The following EHBP1 variants were observed in gnomAD, a reference collection of about 807,000 sequenced individuals.
EHBP1 encodes the protein EH domain binding protein 1, also known as EH domain-binding protein 1.
In EHBP1, 55 loss-of-function variants were observed where a neutral mutation model predicts 144.0. The observed-to-expected ratio is 0.38, with a 90% CI of 0.31 to 0.48. EHBP1 has a LOEUF of 0.48. Ranked by LOEUF, EHBP1 falls within the 20% of genes least tolerant of loss-of-function variation. The pLI is 0.98. For missense variants in EHBP1, 1,200 were observed against 1,364.2 expected (o/e 0.88, Z 1.90); for synonymous variants, 469 against 472.7 (o/e 0.99, Z 0.10).
intron 14 of EHBP1, among the ~76,000 whole-genome samples, chr2:62,960,379 A>G (rs1270769670): frequency 6.6e-6 from 1 of 152,114 alleles, no homozygotes; most frequent in African/African-American, 2.4e-5. Context: ...GCCTTGAAAT[A>G]CCCATCTTCC....
chr2:63,014,457 A>C (rs757481592), intron 19 of EHBP1, among the ~76,000 whole-genome samples: 33 of 152,240 alleles, frequency 2.2e-4, no homozygotes, highest in Non-Finnish European at 4.6e-4. Flanking sequence ...ATAACAACAT[A>C]AATTTAAGAT....
intron 10 of EHBP1, among the ~76,000 whole-genome samples, chr2:62,905,756 A>G (rs1488824662): frequency 6.6e-6 from 1 of 152,048 alleles, no homozygotes; most frequent in East Asian, 1.9e-4. Context: ...CCAGGGAGGC[A>G]GAGGTTGAAG....
chr2:62,870,715 C>CA lies in EHBP1; in HGVS notation c.999-3611dup, dbSNP rs57276181. On this transcript the variant is annotated intron_variant, in intron 9 of 22. Transcript: ENST00000431489. ...TGGGCAACAGAGCGAGACTGCATCT[C>CA]AAAAAAAAAAAAAAAAAAAATACAT... Among the ~76,000 whole-genome samples, 582 of 90,192 alleles carry CA rather than the reference C, an allele frequency of 6.5e-3. 7 individuals carry two copies. The highest frequency in any genetic ancestry group is 0.015 in the East Asian group (48 of 3,156). 59.2% of individuals were successfully genotyped at this position (90,192 alleles called of 152,430 possible).
intron 7 of EHBP1, among the ~76,000 whole-genome samples, chr2:62,835,036 T>C (rs2047102832): frequency 6.6e-6 from 1 of 152,240 alleles, no homozygotes; most frequent in Admixed American, 6.5e-5. Context: ...AGCCTCATTA[T>C]AATTTGTATC....
At chr2:62,874,689 G>T (rs2050743879) in intron 10 of EHBP1, among the ~76,000 whole-genome samples, 157 bp downstream of exon 10, 1 of 152,150 alleles carries the variant, frequency 6.6e-6, no homozygotes, top group Non-Finnish European at 1.5e-5. Context: ...ATTTATGTTT[G>T]TGAGCCCATA....
In EHBP1 at chr2:62,734,209, G is replaced by T. The variant is rs569527091; in HGVS notation, c.105-13186G>T. On this transcript the variant is annotated intron_variant, in intron 2 of 22. Coordinates refer to ENST00000431489, the MANE Select transcript of EHBP1 (RefSeq NM_001142616.3). ...TGTTTTTCAGTATGCCTTTTTTTTTGAATATAGTTTATCAATATTACATCT... is the reference window on the plus strand; with the variant it reads ...TGTTTTTCAGTATGCCTTTTTTTTTTAATATAGTTTATCAATATTACATCT... Among the ~76,000 whole-genome samples, 173 of 149,762 alleles carry T rather than the reference G, an allele frequency of 1.2e-3. 1 individual carries two copies. Among genetic ancestry groups the T allele is most frequent in the Non-Finnish European group, 1.1e-3 (76 of 67,400 alleles).
At chr2:62,974,169 T>C (rs2058616098) in intron 14 of EHBP1, among the ~76,000 whole-genome samples, 1 of 152,156 alleles carries the variant, frequency 6.6e-6, no homozygotes, top group Non-Finnish European at 1.5e-5. Flanking sequence ...GTTAGACCTC[T>C]CTTCTTTTGC....
chr2:62,961,234 A>T (rs1472549792), intron 14 of EHBP1, among the ~76,000 whole-genome samples: 1 of 152,192 alleles, frequency 6.6e-6, no homozygotes, highest in Non-Finnish European at 1.5e-5. Flanking sequence ...AATTTTTCTA[A>T]ATTTTTGGCA....
At chr2:63,002,580 A>G (rs2059891507) in intron 19 of EHBP1, among the ~76,000 whole-genome samples, 1 of 152,088 alleles carries the variant, frequency 6.6e-6, no homozygotes, top group Admixed American at 6.6e-5. Flanking sequence ...TGGAGGGTTT[A>G]CTTATGGTTG....
chr2:62,979,242 G>C lies in EHBP1; in HGVS notation c.2515G>C (p.Ala839Pro). 6.2e-7 allele frequency: 1 copy of C among 1,613,896 alleles called. No individual in the cohort carries two copies. The highest frequency in any genetic ancestry group is 8.5e-7 in the Non-Finnish European group (1 of 1,179,894). ...GAGAGAGAGAGCTCGTCAGCTAATA[G>C]CAGAAGCTCGATCTGGAGTGAAGAT... is the stretch of plus-strand genomic sequence containing the variant. ...QLRERARQLI[A>P]EARSGVKMSE... Residue 839 changes from alanine to proline, a missense_variant, in exon 15 of 23, where the codon GCA (alanine) becomes CCA (proline). Coordinates refer to ENST00000431489, the MANE Select transcript of EHBP1 (RefSeq NM_001142616.3).
At chr2:62,840,491 G>A (rs1050007124) in intron 7 of EHBP1, among the ~76,000 whole-genome samples, 28 of 148,976 alleles carry the variant, frequency 1.9e-4, no homozygotes, top group Non-Finnish European at 3.6e-4. Flanking sequence ...TGACAAATGG[G>A]ATCTAATTAA....
chr2:62,807,365 C>T (rs983085050), intron 5 of EHBP1, among the ~76,000 whole-genome samples: 7 of 152,028 alleles, frequency 4.6e-5, no homozygotes, highest in African/African-American at 9.7e-5. Context: ...CTGACCAACA[C>T]GGAGAAACCC....
chr2:62,807,086 A>G (rs928701172), intron 5 of EHBP1, among the ~76,000 whole-genome samples: 5 of 152,178 alleles, frequency 3.3e-5, no homozygotes, highest in African/African-American at 1.2e-4. Context: ...TATGAAACCC[A>G]CTGACACTGA....
intron 19 of EHBP1, among the ~76,000 whole-genome samples, chr2:63,007,445 G>A (rs1182346718): frequency 2.0e-5 from 3 of 151,806 alleles, no homozygotes; most frequent in Non-Finnish European, 4.4e-5. Context: ...AAATATATAT[G>A]TAGGTATGTG....
At chr2:62,834,957 T>C (rs2047097637) in intron 7 of EHBP1, among the ~76,000 whole-genome samples, 1 of 152,216 alleles carries the variant, frequency 6.6e-6, no homozygotes, top group Admixed American at 6.5e-5. Flanking sequence ...TCTTTTTTTA[T>C]AGTTTATTTT....
At chr2:62,749,438 G>A (rs1182373659) in intron 3 of EHBP1, among the ~76,000 whole-genome samples, 1 of 152,086 alleles carries the variant, frequency 6.6e-6, no homozygotes, top group African/African-American at 2.4e-5. Flanking sequence ...TAGTGCTGCA[G>A]TAAACATACA....
chr2:62,907,318 A>G (rs2053881649), intron 10 of EHBP1, among the ~76,000 whole-genome samples: 1 of 152,090 alleles, frequency 6.6e-6, no homozygotes, highest in South Asian at 2.1e-4. Context: ...ATTATTTTTT[A>G]TTTTAGCTAT....
intron 9 of EHBP1, among the ~76,000 whole-genome samples, chr2:62,868,845 T>C (rs1477220980): frequency 6.6e-6 from 1 of 152,050 alleles, no homozygotes; most frequent in Non-Finnish European, 1.5e-5. Flanking sequence ...TCCCAGCTAC[T>C]CAGGAGGCTG....
chr2:62,710,681 A>T (rs565877466), intron 2 of EHBP1, among the ~76,000 whole-genome samples: 16 of 152,208 alleles, frequency 1.1e-4, no homozygotes, highest in Non-Finnish European at 1.9e-4. Context: ...GAAAGGTAAA[A>T]AAAAAGTAGT....
Sources: allele counts gnomAD v4.1 joint callset (sites outside exome capture counted in the v4.1 genomes callset), GRCh38; gene constraint gnomAD v4.1.1; transcripts MANE v1.5; gene names NCBI Gene and HGNC (gene_info 2026-07-23, HGNC 2026-07-21).